ZNF135: variants seen among roughly 807,000 people sequenced by gnomAD.
The protein encoded by ZNF135 is zinc finger protein 135 (clone pHZ-17).
In ZNF135, 11 loss-of-function variants were observed where a neutral mutation model predicts 12.3. The observed-to-expected ratio is 0.89, with a 90% CI of 0.56 to 1.48. The LOEUF (loss-of-function observed/expected upper bound fraction) is 1.48. Ranked by LOEUF, ZNF135 falls within the 40% of genes most tolerant of loss-of-function variation. The pLI, the probability that ZNF135 is intolerant of heterozygous loss-of-function variation, is 0.00. For missense variants in ZNF135, 722 were observed against 815.7 expected (o/e 0.89, Z 1.40); for synonymous variants, 316 against 312.0 (o/e 1.01, Z -0.14).
At position 58,066,814 on chromosome 19, in the gene ZNF135, C is replaced by T. The variant is rs1321554905; in HGVS notation, c.330C>T (p.Val110=). Residue 110 remains valine, a synonymous_variant, in exon 5 of 5, where the codon GTC becomes GTT. Transcript: ENST00000313434. ...TCTCTGAAGAAATATCCAACAGTGT[C>T]ATCTTGGTAGAAAGATTCCTGTGGG... ...QGISEEISNS[V]ILVERFLWDG... 2.5e-6 allele frequency: 4 copies of T among 1,614,224 alleles called. No homozygotes were observed. The highest frequency in any genetic ancestry group is 2.5e-6 in the Non-Finnish European group (3 of 1,180,044).
At position 58,063,318 on chromosome 19, in the gene ZNF135, T is replaced by C; in HGVS notation, c.161-128T>C. ...CCTGAGGAACATCCAGGGCTGTGGG[T>C]ATGACAGCTGAAGTCACTCAGGGGT... On this transcript the variant is annotated intron_variant, in intron 3 of 4. Coordinates refer to ENST00000313434, the MANE Select transcript of ZNF135 (RefSeq NM_001289401.2). The surrounding 1 kb of genome is among the most constrained non-coding windows in gnomAD (Gnocchi z 4.4). 6.9e-7 allele frequency: 1 copy of C among 1,446,498 alleles called. No homozygotes were observed. The highest frequency in any genetic ancestry group is 1.3e-5 in the South Asian group (1 of 75,816). 89.6% of individuals were successfully genotyped at this position (1,446,498 alleles called of 1,614,324 possible). A position where few individuals can be genotyped will look rare whatever the true frequency, so the allele number is the denominator to read the frequency against.
chr19:58,068,440 C>G lies in ZNF135; in HGVS notation c.1956C>G (p.His652Gln). 1.2e-6 allele frequency: 2 copies of G among 1,613,988 alleles called. No homozygotes were observed. Among genetic ancestry groups the G allele is most frequent in the Non-Finnish European group, 1.7e-6 (2 of 1,179,924 alleles). The part of the protein sequence containing the change: ...AFTHSSSLTK[H>Q]QRTHTG ...CCCACAGCTCCTCCCTTACCAAGCA[C>G]CAGAGAACTCACACTGGATAAACCC... The change falls in exon 5 of 5, where the codon CAC (histidine) becomes CAG (glutamine). Residue 652 changes from histidine (H) to glutamine (Q), a missense_variant. Physicochemically the swap from His to Gln is conservative, Grantham distance 24 (BLOSUM62 0). Coordinates refer to ENST00000313434, the MANE Select transcript of ZNF135 (RefSeq NM_001289401.2).
intron 4 of ZNF135, among the ~76,000 whole-genome samples, chr19:58,066,522 T>C (rs1001044296): frequency 3.5e-4 from 53 of 152,202 alleles, no homozygotes; most frequent in Non-Finnish European, 4.1e-4. Flanking sequence ...TTCTGTTCTT[T>C]CCTCTTCCTT....
rs371594702 is a variant in ZNF135 at position 58,066,960 on chromosome 19, A to G, written c.476A>G (p.Gln159Arg). ...FTPVKTPVLE[Q>R]WQRNGFGENI... ...CCTGTGAAGACGCCTGTTCTGGAGC[A>G]GTGGCAGAGGAATGGGTTTGGGGAA... Residue 159 changes from glutamine (Q) to arginine (R), a missense_variant, in exon 5 of 5, where the codon CAG (glutamine) becomes CGG (arginine). By Grantham distance (43) the Gln-to-Arg change is conservative. Coordinates refer to ENST00000313434, the MANE Select transcript of ZNF135 (RefSeq NM_001289401.2). 4.5e-5 allele frequency: 72 copies of G among 1,614,100 alleles called. No individual in the cohort carries two copies. The highest frequency in any genetic ancestry group is 5.9e-5 in the Non-Finnish European group (70 of 1,180,052).
chr19:58,067,164 C>T lies in ZNF135; in HGVS notation c.680C>T (p.Ser227Leu), dbSNP rs370679017. ...QECGKAFSHS[S>L]ALIEHHRTHT... ...TGCGGAAAGGCCTTTAGTCACAGCTCAGCACTTATCGAACACCACCGGACG... is the reference window on the plus strand; with the variant it reads ...TGCGGAAAGGCCTTTAGTCACAGCTTAGCACTTATCGAACACCACCGGACG... Residue 227 changes from serine to leucine, a missense_variant, in exon 5 of 5, where the codon TCA (serine) becomes TTA (leucine). Ser to Leu is a moderately radical substitution (Grantham distance 145). Transcript: ENST00000313434. The T allele has an allele frequency of 2.1e-5, 34 of 1,614,050 alleles. No homozygotes were observed. The highest frequency in any genetic ancestry group is 2.7e-5 in the African/African-American group (2 of 74,916).
In ZNF135 at chr19:58,068,036, G is replaced by A. The variant is rs2074107353; in HGVS notation, c.1552G>A (p.Gly518Arg). The A allele has an allele frequency of 3.1e-6, 5 of 1,614,108 alleles. No homozygotes were observed. The East Asian group carries it at 1.1e-4, about 36-fold the overall frequency. Residue 518 changes from glycine to arginine, a missense_variant, in exon 5 of 5, where the codon GGG becomes AGG. Transcript: ENST00000313434. ...SLTKHQRIHT[G>R]EKPYECNQCG... ...CACCAAACATCAGCGAATCCACACT[G>A]GGGAGAAGCCCTACGAATGCAACCA... is the stretch of plus-strand genomic sequence containing the variant.
In ZNF135 at chr19:58,065,851, A is replaced by T. The variant is rs1568614559; in HGVS notation, c.257-890A>T. 6.6e-6 allele frequency among the ~76,000 whole-genome samples: 1 copy of T among 151,802 alleles called. No homozygotes were observed. The highest frequency in any genetic ancestry group is 6.6e-5 in the Admixed American group (1 of 15,228). ...TTTTTTAATTGAACTTTTCACTGAAACATAACAATATGGGGAAGGTGCCCA... is the reference window on the plus strand; with the variant it reads ...TTTTTTAATTGAACTTTTCACTGAATCATAACAATATGGGGAAGGTGCCCA... On this transcript the variant is annotated intron_variant, in intron 4 of 4. Coordinates refer to ENST00000313434, the MANE Select transcript of ZNF135 (RefSeq NM_001289401.2). The surrounding 1 kb of genome is among the most constrained non-coding windows in gnomAD (Gnocchi z 4.0).
chr19:58,061,222 A>G (rs974553435), intron 2 of ZNF135, among the ~76,000 whole-genome samples: 4 of 152,152 alleles, frequency 2.6e-5, no homozygotes, highest in Middle Eastern at 3.4e-3. Flanking sequence ...CAGTGATGCA[A>G]TCATGGCTCA....
At chr19:58,061,283 A>G (rs1005746918) in intron 2 of ZNF135, among the ~76,000 whole-genome samples, 1 of 152,222 alleles carries the variant, frequency 6.6e-6, no homozygotes, top group Non-Finnish European at 1.5e-5. Flanking sequence ...CAGCCTGTTA[A>G]GCAGCTGGGA....
At position 58,063,557 on chromosome 19, in the gene ZNF135, T is replaced by C. The variant is rs376604339; in HGVS notation, c.256+16T>C. 5 of 1,613,914 alleles carry C rather than the reference T, an allele frequency of 3.1e-6. No homozygotes were observed. Among genetic ancestry groups the C allele is most frequent in the Non-Finnish European group, 4.2e-6 (5 of 1,179,858 alleles). On this transcript the variant is annotated intron_variant, in intron 4 of 4. Coordinates refer to ENST00000313434, the MANE Select transcript of ZNF135 (RefSeq NM_001289401.2). The surrounding 1 kb of genome is among the most constrained non-coding windows in gnomAD (Gnocchi z 4.4). Reference sequence around the variant, plus strand: ...GTGTACCCAGGTGAGATGGGAGCCCTTCGGGGCAGAGAGAAGCCTGTCCAT... The same window carrying C: ...GTGTACCCAGGTGAGATGGGAGCCCCTCGGGGCAGAGAGAAGCCTGTCCAT...
Position 58,066,980 on chromosome 19 carries a change from G to A in ZNF135, c.496G>A (p.Gly166Arg), listed in dbSNP as rs1263209398. 6.2e-7 allele frequency: 1 copy of A among 1,614,146 alleles called. No homozygotes were observed. The change falls in exon 5 of 5, where the codon GGG (glycine) becomes AGG (arginine). Residue 166 changes from glycine to arginine, a missense_variant. Coordinates refer to ENST00000313434, the MANE Select transcript of ZNF135 (RefSeq NM_001289401.2). ...GGAGCAGTGGCAGAGGAATGGGTTT[G>A]GGGAAAACATAAGTCTGAACCCTGA... ...VLEQWQRNGFGENISLNPDLP... is the reference protein window; with the variant it reads ...VLEQWQRNGFRENISLNPDLP...
rs1450010874 is a variant in ZNF135, at chr19:58,060,007, C to A, written c.5C>A (p.Thr2Asn). The A allele has an allele frequency of 1.9e-6, 3 of 1,613,550 alleles. No homozygotes were observed. The highest frequency in any genetic ancestry group is 2.5e-6 in the Non-Finnish European group (3 of 1,179,868). The change falls in exon 2 of 5, where the codon ACC becomes AAC. Residue 2 changes from threonine to asparagine, a missense_variant. Coordinates refer to ENST00000313434, the MANE Select transcript of ZNF135 (RefSeq NM_001289401.2). The surrounding 1 kb of genome is among the most constrained non-coding windows in gnomAD (Gnocchi z 4.9). ...GTTCCTGCCAGAAGCCAGGGCATGA[C>A]CCCTGGGGTGCGCGTCTCCACAGAC... M[T>N]PGVRVSTDPE...
chr19:58,068,493 G>A lies in ZNF135; in HGVS notation c.*32G>A, dbSNP rs1489798252. Reference sequence around the variant, plus strand: ...TCCACATGTGCTGGGGACATAGGAAGACCTTAAGCCATAGCTCATCCCTTT... The same window carrying A: ...TCCACATGTGCTGGGGACATAGGAAAACCTTAAGCCATAGCTCATCCCTTT... On this transcript the variant is annotated 3_prime_UTR_variant, in exon 5 of 5. Coordinates refer to ENST00000313434, the MANE Select transcript of ZNF135 (RefSeq NM_001289401.2). The A allele has an allele frequency of 2.5e-6, 4 of 1,601,744 alleles. No homozygotes were observed. The highest frequency in any genetic ancestry group is 3.4e-6 in the Non-Finnish European group (4 of 1,173,640).
At position 58,059,499 on chromosome 19, in the gene ZNF135, C is replaced by A. The variant is rs1238070186; in HGVS notation, c.-35+189C>A. 6.6e-6 allele frequency among the ~76,000 whole-genome samples: 1 copy of A among 152,052 alleles called. No individual in the cohort carries two copies. Among genetic ancestry groups the A allele is most frequent in the East Asian group, 1.9e-4 (1 of 5,162 alleles). ...TCGGGGCTGGCGGGGGCAGGCTTTG[C>A]GGGGCATCCCTAGTCTGAGAGGAGG... On this transcript the variant is annotated intron_variant, in intron 1 of 4. Transcript: ENST00000313434. This position sits in a 1 kb window ranked among gnomAD's most constrained non-coding sequence, Gnocchi z 6.5.
Position 58,065,095 on chromosome 19 carries a change from A to G in ZNF135, c.256+1554A>G, listed in dbSNP as rs1237182257. Among the ~76,000 whole-genome samples, 1 of 152,230 alleles carries G rather than the reference A, an allele frequency of 6.6e-6. No individual in the cohort carries two copies. The highest frequency in any genetic ancestry group is 2.4e-5 in the African/African-American group (1 of 41,468). On this transcript the variant is annotated intron_variant, in intron 4 of 4. Transcript: ENST00000313434. This position sits in a 1 kb window ranked among gnomAD's most constrained non-coding sequence, Gnocchi z 4.0. Reference sequence around the variant, plus strand: ...AAATTATTTTAAAGTTCGGGAGATCAGAAATCCACAATGGGTCTAGCTGGA... The same window carrying G: ...AAATTATTTTAAAGTTCGGGAGATCGGAAATCCACAATGGGTCTAGCTGGA...
At chr19:58,064,051 A>G (rs1209952882) in intron 4 of ZNF135, among the ~76,000 whole-genome samples, 1 of 152,138 alleles carries the variant, frequency 6.6e-6, no homozygotes, top group African/African-American at 2.4e-5. Flanking sequence ...TAAACCAAAT[A>G]ATTGTTTATA....
chr19:58,063,350 C>G lies in ZNF135; in HGVS notation c.161-96C>G. Reference sequence around the variant, plus strand: ...GCTGAAGTCACTCAGGGGTCCCCAGCCATCTGGGACCTGGAAGACCAAAGG... The same window carrying G: ...GCTGAAGTCACTCAGGGGTCCCCAGGCATCTGGGACCTGGAAGACCAAAGG... On this transcript the variant is annotated intron_variant, in intron 3 of 4. Transcript: ENST00000313434. This position sits in a 1 kb window ranked among gnomAD's most constrained non-coding sequence, Gnocchi z 4.4. The G allele has an allele frequency of 6.4e-7, 1 of 1,555,602 alleles. No individual in the cohort carries two copies. Among genetic ancestry groups the G allele is most frequent in the Non-Finnish European group, 8.7e-7 (1 of 1,147,316 alleles).
At position 58,060,142 on chromosome 19, in the gene ZNF135, C is replaced by T; in HGVS notation, c.33+107C>T. On this transcript the variant is annotated intron_variant, in intron 2 of 4. Coordinates refer to ENST00000313434, the MANE Select transcript of ZNF135 (RefSeq NM_001289401.2). This position sits in a 1 kb window ranked among gnomAD's most constrained non-coding sequence, Gnocchi z 4.9. ...TCTTTGCACCCCGTCCCTACTCGCGCTCAGCCTCCTCCTTGTGCCCGGCCC... is the reference window on the plus strand; with the variant it reads ...TCTTTGCACCCCGTCCCTACTCGCGTTCAGCCTCCTCCTTGTGCCCGGCCC... 1.9e-6 allele frequency: 3 copies of T among 1,580,644 alleles called. No individual in the cohort carries two copies. The highest frequency in any genetic ancestry group is 2.7e-5 in the African/African-American group (2 of 74,228).
intron 2 of ZNF135, 133 bp from the exon 3 acceptor site, chr19:58,061,447 C>G (rs1274868538): frequency 2.5e-6 from 3 of 1,189,032 alleles, no homozygotes; most frequent in Non-Finnish European, 3.5e-6. Flanking sequence ...CCAGGCCCCA[C>G]AGAAAAACCT....
Sources: gnomAD v4.1 joint callset for allele counts (sites outside exome capture counted in the v4.1 genomes callset) on GRCh38, gnomAD v4.1.1 for gene constraint, Gnocchi (gnomAD v3.1) non-coding constraint, MANE v1.5 for transcripts, NCBI Gene and HGNC (gene_info 2026-07-23, HGNC 2026-07-21) for gene names.